TMEM178B: variants seen among roughly 807,000 people sequenced by gnomAD.
The protein encoded by TMEM178B is transmembrane protein 178B.
In TMEM178B, 5 loss-of-function variants were observed where a neutral mutation model predicts 31.0. The observed-to-expected ratio is 0.16, with a 90% CI of 0.08 to 0.34. The LOEUF (loss-of-function observed/expected upper bound fraction) is 0.34, where lower values mean the gene tolerates loss of function less well. Ranked by LOEUF, TMEM178B falls within the 10% of genes least tolerant of loss-of-function variation. The pLI, the probability that TMEM178B is intolerant of heterozygous loss-of-function variation, is 1.00. For synonymous variants in TMEM178B, 164 were observed against 164.0 expected (o/e 1.00, Z 0.00); for missense variants, 275 against 400.3 (o/e 0.69, Z 2.67).
intron 1 of TMEM178B, among the ~76,000 whole-genome samples, chr7:141,093,337 ACAGGAGCTGG>A (rs1273609939): frequency 6.6e-6 from 1 of 152,242 alleles, no homozygotes; most frequent in African/African-American, 2.4e-5. Flanking sequence ...CAATATTTCA[ACAGGAGCTGG>A]CAGAGCAGAG....
Position 141,477,702 on chromosome 7 carries a change from G to C in TMEM178B, c.*6916G>C, listed in dbSNP as rs1006516622. 1 of 152,198 alleles carries C rather than the reference G, an allele frequency of 6.6e-6. No individual in the cohort carries two copies. Among genetic ancestry groups the C allele is most frequent in the Non-Finnish European group, 1.5e-5 (1 of 68,076 alleles). 9.4% of individuals were successfully genotyped at this position (152,198 alleles called of 1,614,324 possible). On this transcript the variant is annotated 3_prime_UTR_variant, in exon 4 of 4. Coordinates refer to ENST00000565468, the MANE Select transcript of TMEM178B (RefSeq NM_001195278.2). ...ATCAGGGGCTTCCAGGGCTCTGGGGGTGCGCAGTCCCCTTGTGTATTTTGC... is the reference window on the plus strand; with the variant it reads ...ATCAGGGGCTTCCAGGGCTCTGGGGCTGCGCAGTCCCCTTGTGTATTTTGC...
intron 2 of TMEM178B, among the ~76,000 whole-genome samples, chr7:141,332,877 A>G (rs1424818954): frequency 6.6e-6 from 1 of 152,210 alleles, no homozygotes; most frequent in Non-Finnish European, 1.5e-5. Flanking sequence ...GGGAACTGAC[A>G]TATTTTGGTG....
At chr7:141,182,607 A>G (rs1041459011) in intron 1 of TMEM178B, among the ~76,000 whole-genome samples, 1 of 152,128 alleles carries the variant, frequency 6.6e-6, no homozygotes, top group East Asian at 1.9e-4. Context: ...GTTGATAGGG[A>G]CATTGGGTTT....
chr7:141,281,953 A>T (rs1327283048), intron 2 of TMEM178B, among the ~76,000 whole-genome samples: 1 of 151,944 alleles, frequency 6.6e-6, no homozygotes, highest in Non-Finnish European at 1.5e-5. Context: ...ATGTGATTGG[A>T]TTTGCTTTTT....
At chr7:141,417,606 G>C (rs1801122225) in intron 2 of TMEM178B, among the ~76,000 whole-genome samples, 1 of 152,126 alleles carries the variant, frequency 6.6e-6, no homozygotes, top group Non-Finnish European at 1.5e-5. Flanking sequence ...GAGTGACTTG[G>C]GAAGAGGAAA....
At chr7:141,114,492 T>G (rs1001089988) in intron 1 of TMEM178B, among the ~76,000 whole-genome samples, 3 of 152,272 alleles carry the variant, frequency 2.0e-5, no homozygotes, top group Admixed American at 1.3e-4. Flanking sequence ...ACTTCATGCC[T>G]GTGCTATCTG....
intron 1 of TMEM178B, among the ~76,000 whole-genome samples, chr7:141,199,164 C>T (rs1796834485): frequency 6.6e-6 from 1 of 151,878 alleles, no homozygotes; most frequent in South Asian, 2.1e-4. Flanking sequence ...ATGTCTTGTT[C>T]AAAACATGCA....
intron 2 of TMEM178B, among the ~76,000 whole-genome samples, chr7:141,290,446 C>G (rs879490269): frequency 3.3e-5 from 5 of 151,914 alleles, no homozygotes; most frequent in Non-Finnish European, 5.9e-5. Flanking sequence ...GGGCCAAACT[C>G]AGTGGCCTCC....
At chr7:141,230,930 G>T (rs1178057443) in intron 2 of TMEM178B, among the ~76,000 whole-genome samples, 2 of 152,098 alleles carry the variant, frequency 1.3e-5, no homozygotes, top group African/African-American at 4.8e-5. Context: ...TCAAATTCCT[G>T]GCCTCAAGTG....
chr7:141,113,373 G>A (rs144944728), intron 1 of TMEM178B, among the ~76,000 whole-genome samples: 1 of 152,168 alleles, frequency 6.6e-6, no homozygotes, highest in Non-Finnish European at 1.5e-5. Context: ...ACATCACACA[G>A]CTTGCACACC....
chr7:141,422,494 G>A lies in TMEM178B; in HGVS notation c.497-15114G>A, dbSNP rs147866827. ...CTGTAGGATGGAGTCTTTTCAAGGCGGTTTAGTCTTCATTGGCATCCACTT... is the reference window on the plus strand; with the variant it reads ...CTGTAGGATGGAGTCTTTTCAAGGCAGTTTAGTCTTCATTGGCATCCACTT... On this transcript the variant is annotated intron_variant, in intron 2 of 3. Coordinates refer to ENST00000565468, the MANE Select transcript of TMEM178B (RefSeq NM_001195278.2). This position sits in a 1 kb window ranked among gnomAD's most constrained non-coding sequence, Gnocchi z 4.2. Among the ~76,000 whole-genome samples the A allele has an allele frequency of 3.5e-3, 532 of 152,280 alleles. 5 individuals are homozygous for A. Among genetic ancestry groups the A allele is most frequent in the Non-Finnish European group, 6.0e-3 (405 of 68,022 alleles).
chr7:141,251,609 A>G (rs975413655), intron 2 of TMEM178B, among the ~76,000 whole-genome samples: 4 of 152,178 alleles, frequency 2.6e-5, no homozygotes, highest in African/African-American at 9.7e-5. Flanking sequence ...ATTAAGCCAT[A>G]ATTATTAAGT....
At position 141,426,049 on chromosome 7, in the gene TMEM178B, C is replaced by A. The variant is rs371534154; in HGVS notation, c.497-11559C>A. On this transcript the variant is annotated intron_variant, in intron 2 of 3. Transcript: ENST00000565468. ...GAATCTGGCCCCATGTTGATGTTTTCATTGTAGACAATAAAAACTATGTTG... is the reference window on the plus strand; with the variant it reads ...GAATCTGGCCCCATGTTGATGTTTTAATTGTAGACAATAAAAACTATGTTG... Among the ~76,000 whole-genome samples, 5 of 152,138 alleles carry A rather than the reference C, an allele frequency of 3.3e-5. No homozygotes were observed. The East Asian group carries it at 9.6e-4, about 29-fold the overall frequency.
chr7:141,458,873 C>G (rs577900162), intron 3 of TMEM178B, among the ~76,000 whole-genome samples: 8 of 152,036 alleles, frequency 5.3e-5, no homozygotes, highest in African/African-American at 1.9e-4. Context: ...CCTGTGCGCA[C>G]GCACACACAC....
At chr7:141,437,783 A>T in intron 3 of TMEM178B, 38 bp downstream of exon 3, 1 of 1,535,656 alleles carries the variant, frequency 6.5e-7, no homozygotes, top group East Asian at 2.4e-5. Flanking sequence ...GGCAGTGGAC[A>T]GGGTCCTGTT....
chr7:141,220,184 G>A (rs1281282779), intron 2 of TMEM178B, among the ~76,000 whole-genome samples: 3 of 134,250 alleles, frequency 2.2e-5, no homozygotes, highest in African/African-American at 9.5e-5. Flanking sequence ...TGGGCGTGGT[G>A]ACATATGCCA....
chr7:141,462,838 TC>T (rs1358975054), intron 3 of TMEM178B, among the ~76,000 whole-genome samples: 4 of 151,794 alleles, frequency 2.6e-5, no homozygotes, highest in African/African-American at 9.7e-5. Context: ...GAGACTATCC[TC>T]CCCTCTTCCA....
intron 1 of TMEM178B, among the ~76,000 whole-genome samples, chr7:141,143,106 A>C (rs1359001038): frequency 6.6e-6 from 1 of 152,198 alleles, no homozygotes. Context: ...AGTTCCTTAT[A>C]GATTTTCGAT....
Position 141,360,029 on chromosome 7 carries a change from G to A in TMEM178B, c.497-77579G>A, listed in dbSNP as rs573566202. Among the ~76,000 whole-genome samples, 7 of 152,198 alleles carry A rather than the reference G, an allele frequency of 4.6e-5. No individual in the cohort carries two copies. In the South Asian group the frequency reaches 1.5e-3, roughly 32 times the overall value. On this transcript the variant is annotated intron_variant, in intron 2 of 3. Coordinates refer to ENST00000565468, the MANE Select transcript of TMEM178B (RefSeq NM_001195278.2). ...TCATGATTCAATTATCTCCCACCGG[G>A]TTCCTCCCACAACACATGGGAATTA...
Sources: allele counts gnomAD v4.1 joint callset (sites outside exome capture counted in the v4.1 genomes callset), GRCh38; gene constraint gnomAD v4.1.1; non-coding constraint Gnocchi (gnomAD v3.1); transcripts MANE v1.5; gene names NCBI Gene and HGNC (gene_info 2026-07-23, HGNC 2026-07-21).